Variants in RASA1 observed in about 807,000 individuals in gnomAD.
RASA1 encodes ras GTPase-activating protein 1.
A neutral mutation model predicts 132.2 loss-of-function variants in RASA1; 25 were observed. That is an observed-to-expected ratio of 0.19 (90% CI 0.14 to 0.26). The LOEUF (loss-of-function observed/expected upper bound fraction) is 0.26. Among genes scored for constraint, RASA1 ranks in the 10% least tolerant of loss-of-function variants. The pLI, the probability that RASA1 is intolerant of heterozygous loss-of-function variation, is 1.00. For missense variants in RASA1, 964 were observed against 1,299.2 expected (o/e 0.74, Z 3.97); for synonymous variants, 477 against 449.9 (o/e 1.06, Z -0.76).
intron 1 of RASA1, among the ~76,000 whole-genome samples, chr5:87,298,109 A>G (rs1214682081): frequency 6.6e-6 from 1 of 152,002 alleles, no homozygotes; most frequent in Non-Finnish European, 1.5e-5. Flanking sequence ...ATCTTCTTAC[A>G]TGTAAAGAAG....
intron 5 of RASA1, 31 bp from the exon 6 acceptor site, chr5:87,341,259 A>G: frequency 8.1e-7 from 1 of 1,231,644 alleles, no homozygotes; most frequent in Non-Finnish European, 1.0e-6. Context: ...AGTTAATTAT[A>G]TAAAATACTG....
chr5:87,314,213 G>A (rs1580236066), intron 1 of RASA1, among the ~76,000 whole-genome samples: 1 of 152,096 alleles, frequency 6.6e-6, no homozygotes, highest in Non-Finnish European at 1.5e-5. Context: ...TAAAGAAAGT[G>A]CATGTTTGGT....
intron 7 of RASA1, among the ~76,000 whole-genome samples, chr5:87,347,451 A>G (rs922735463): frequency 1.3e-5 from 2 of 152,048 alleles, no homozygotes; most frequent in African/African-American, 4.8e-5. Flanking sequence ...GGCAAACCAC[A>G]TCTTATAAAG....
At chr5:87,363,115 G>C (rs930167891) in intron 10 of RASA1, among the ~76,000 whole-genome samples, 2 of 151,792 alleles carry the variant, frequency 1.3e-5, no homozygotes, top group African/African-American at 2.4e-5. Flanking sequence ...AATCTCTGAA[G>C]ATATAGTTAA....
At position 87,378,473 on chromosome 5, in the gene RASA1, C is replaced by T. The variant is rs1396225514; in HGVS notation, c.2422C>T (p.Gln808Ter). 1 of 1,612,092 alleles carries T rather than the reference C, an allele frequency of 6.2e-7. No individual in the cohort carries two copies. Among genetic ancestry groups the T allele is most frequent in the Non-Finnish European group, 8.5e-7 (1 of 1,178,250 alleles). The change falls in exon 18 of 25, where the codon CAG becomes TAG. Residue 808 changes from glutamine to a stop codon, truncating the protein, a stop_gained. Transcript: ENST00000274376. LOFTEE classifies it high-confidence loss of function. The part of the protein sequence containing the change: ...MEQYMKATAT[Q>*]FVHHALKDSI... ...GCAGTATATGAAAGCCACTGCTACA[C>T]AGTTTGTTCATCATGCTTTGAAAGA...
At chr5:87,362,792 T>C in intron 10 of RASA1, 121 bp downstream of exon 10, 1 of 1,130,400 alleles carries the variant, frequency 8.8e-7, no homozygotes, top group Non-Finnish European at 1.3e-6. Context: ...TGACACTTGT[T>C]TAGAGCCCAT....
intron 6 of RASA1, among the ~76,000 whole-genome samples, chr5:87,344,617 C>T (rs770694350): frequency 2.6e-5 from 4 of 151,926 alleles, no homozygotes; most frequent in Admixed American, 6.6e-5. Flanking sequence ...GATCTTCCTG[C>T]CTGAGCCTCC....
chr5:87,322,152 G>A (rs1756868410), intron 1 of RASA1, among the ~76,000 whole-genome samples: 1 of 152,048 alleles, frequency 6.6e-6, no homozygotes, highest in South Asian at 2.1e-4. Flanking sequence ...GTGAGAGCTG[G>A]TTGTTTAAAG....
At chr5:87,322,115 T>C (rs1395094472) in intron 1 of RASA1, among the ~76,000 whole-genome samples, 2 of 152,128 alleles carry the variant, frequency 1.3e-5, no homozygotes, top group Non-Finnish European at 2.9e-5. Context: ...AATGGTTTGC[T>C]GCCCTCCCCT....
intron 6 of RASA1, among the ~76,000 whole-genome samples, chr5:87,345,598 A>G (rs1758806018): frequency 6.6e-6 from 1 of 152,180 alleles, no homozygotes; most frequent in African/African-American, 2.4e-5. Context: ...TGAATCAGTG[A>G]GTTAATGCTT....
intron 1 of RASA1, among the ~76,000 whole-genome samples, chr5:87,289,932 G>A (rs1373286594): frequency 6.6e-6 from 1 of 151,948 alleles, no homozygotes; most frequent in African/African-American, 2.4e-5. Flanking sequence ...GTTGTTAATA[G>A]ATAAATTGTC....
chr5:87,378,013 T>C (rs1173326868), intron 17 of RASA1, among the ~76,000 whole-genome samples: 1 of 152,242 alleles, frequency 6.6e-6, no homozygotes, highest in South Asian at 2.1e-4. Context: ...TTTTGTGTTA[T>C]ATCCTTAATT....
At chr5:87,382,150 C>A (rs1441231319) in intron 20 of RASA1, among the ~76,000 whole-genome samples, 1 of 152,118 alleles carries the variant, frequency 6.6e-6, no homozygotes, top group Non-Finnish European at 1.5e-5. Context: ...TGGGGTTAGA[C>A]CATGTTGGCC....
At chr5:87,287,680 ACACGC>A in intron 1 of RASA1, among the ~76,000 whole-genome samples, 1 of 146,896 alleles carries the variant, frequency 6.8e-6, no homozygotes, top group African/African-American at 2.5e-5. Flanking sequence ...CCATATATGT[ACACGC>A]CATAGATATA....
Position 87,386,872 on chromosome 5 carries a change from A to G in RASA1, c.2894A>G (p.His965Arg). The G allele has an allele frequency of 3.7e-6, 6 of 1,612,692 alleles. No individual in the cohort carries two copies. The East Asian group carries it at 6.7e-5, about 18-fold the overall frequency. ...GVNPFIKSNK[H>R]RMIMFLDELG... ...AATCCATTCATCAAAAGCAACAAAC[A>G]TCGTATGATCATGTTTTTAGATGAA... is the stretch of plus-strand genomic sequence containing the variant. The change falls in exon 23 of 25, where the codon CAT (histidine) becomes CGT (arginine). Residue 965 changes from histidine to arginine, a missense_variant. Physicochemically the swap from His to Arg is conservative, Grantham distance 29. Coordinates refer to ENST00000274376, the MANE Select transcript of RASA1 (RefSeq NM_002890.3).
chr5:87,274,995 G>C (rs527703935), intron 1 of RASA1, among the ~76,000 whole-genome samples: 38 of 152,258 alleles, frequency 2.5e-4, no homozygotes, highest in African/African-American at 7.7e-4. Flanking sequence ...TGCTAGAATC[G>C]GTATGGATCA....
At chr5:87,315,296 C>T (rs1353362714) in intron 1 of RASA1, among the ~76,000 whole-genome samples, 1 of 152,114 alleles carries the variant, frequency 6.6e-6, no homozygotes, top group East Asian at 1.9e-4. Flanking sequence ...CTAGCAAGGG[C>T]CTTCTAGCTA....
intron 12 of RASA1, among the ~76,000 whole-genome samples, 154 bp from the exon 13 acceptor site, chr5:87,371,964 T>C (rs551094694): frequency 7.4e-4 from 113 of 152,140 alleles, no homozygotes; most frequent in African/African-American, 2.6e-3. Context: ...ATTTTATTAT[T>C]GGTTATTGTT....
chr5:87,269,201 G>A (rs2112223723), intron 1 of RASA1: 3 of 1,591,088 alleles, frequency 1.9e-6, no homozygotes, highest in South Asian at 2.2e-5. Flanking sequence ...TGCTCCTCTG[G>A]GAAAGTGTAA....
Sources: allele counts gnomAD v4.1 joint callset (sites outside exome capture counted in the v4.1 genomes callset), GRCh38; gene constraint gnomAD v4.1.1; transcripts MANE v1.5; gene names NCBI Gene and HGNC (gene_info 2026-07-23, HGNC 2026-07-21).